The following JMJD1C variants were observed in gnomAD, a reference collection of about 807,000 sequenced individuals.
The protein encoded by JMJD1C is jumonji domain containing 1C.
JMJD1C carries 31 observed loss-of-function variants against 245.3 expected under a neutral mutation model. The ratio of observed to expected loss-of-function variants is 0.13; its 90% CI spans 0.09 to 0.17. The LOEUF (loss-of-function observed/expected upper bound fraction) is 0.17, where lower values mean the gene tolerates loss of function less well. Among genes scored for constraint, JMJD1C ranks in the 10% least tolerant of loss-of-function variants. The probability of loss-of-function intolerance (pLI) is 1.00; values close to 1 mark genes in which losing one functional copy is unlikely to be tolerated. For missense variants in JMJD1C, 2,691 were observed against 3,000.2 expected (o/e 0.90, Z 2.41); for synonymous variants, 1,057 against 1,017.4 (o/e 1.04, Z -0.74).
At chr10:63,465,311 A>G in intron 1 of JMJD1C, 184 bp downstream of exon 1, 1 of 650,352 alleles carries the variant, frequency 1.5e-6, no homozygotes, top group East Asian at 2.8e-5. Context: ...CCACAGGGGA[A>G]GCCGCTCGGA....
chr10:63,378,992 A>T (rs1259615912), intron 2 of JMJD1C, among the ~76,000 whole-genome samples: 1 of 152,100 alleles, frequency 6.6e-6, no homozygotes, highest in African/African-American at 2.4e-5. Context: ...TTTTGTTTTT[A>T]AAAATGCCAC....
intron 2 of JMJD1C, among the ~76,000 whole-genome samples, chr10:63,286,996 A>G (rs1858060164): frequency 1.3e-5 from 2 of 152,210 alleles, no homozygotes; most frequent in Admixed American, 6.5e-5. Context: ...AAAGTTAATC[A>G]TTCAACAAAA....
chr10:63,392,367 C>T (rs567541183), intron 1 of JMJD1C, among the ~76,000 whole-genome samples: 14 of 152,088 alleles, frequency 9.2e-5, no homozygotes, highest in African/African-American at 1.9e-4. Context: ...ATGATAAATG[C>T]GACTATATTA....
chr10:63,356,626 T>G (rs1944867940), intron 2 of JMJD1C, among the ~76,000 whole-genome samples: 1 of 152,214 alleles, frequency 6.6e-6, no homozygotes, highest in Admixed American at 6.5e-5. Context: ...AAATTGCATT[T>G]CATTCACAAG....
chr10:63,402,133 C>CAAAAAAA (rs35050584), intron 1 of JMJD1C, among the ~76,000 whole-genome samples: 2 of 83,462 alleles, frequency 2.4e-5, no homozygotes, highest in Admixed American at 1.1e-4. Flanking sequence ...AACTCCGTCT[C>CAAAAAAA]AAAAAAAAAG....
intron 20 of JMJD1C, 25 bp downstream of exon 20, chr10:63,185,536 CAA>C: frequency 1.5e-6 from 2 of 1,341,218 alleles, no homozygotes; most frequent in African/African-American, 1.4e-5. Context: ...CTCAAAAAGT[CAA>C]GAGTCAAAAT....
At chr10:63,517,401 C>A (rs1298158771) in intron 1 of JMJD1C, among the ~76,000 whole-genome samples, 1 of 152,108 alleles carries the variant, frequency 6.6e-6, no homozygotes, top group Admixed American at 6.5e-5. Flanking sequence ...TATTTTTGAT[C>A]TTCATAACAG....
chr10:63,307,630 A>G (rs1220542108), intron 2 of JMJD1C, among the ~76,000 whole-genome samples: 2 of 152,150 alleles, frequency 1.3e-5, no homozygotes, highest in African/African-American at 4.8e-5. Context: ...ACCACCAGGT[A>G]AGACTGGCAC....
intron 4 of JMJD1C, among the ~76,000 whole-genome samples, chr10:63,219,588 G>A (rs112663425): frequency 2.6e-5 from 4 of 152,224 alleles, no homozygotes; most frequent in African/African-American, 9.6e-5. Context: ...TCCTTCTCCA[G>A]GAAAGACACA....
chr10:63,250,280 G>A (rs987667673), intron 3 of JMJD1C, among the ~76,000 whole-genome samples: 8 of 152,102 alleles, frequency 5.3e-5, no homozygotes, highest in African/African-American at 1.9e-4. Context: ...GGCTCTTAAA[G>A]TGGTAGGATT....
chr10:63,494,524 AT>A (rs72353377), intron 1 of JMJD1C, among the ~76,000 whole-genome samples: 1,665 of 152,304 alleles, frequency 0.011, 25 homozygotes, highest in African/African-American at 0.037. Flanking sequence ...AGTAAAAAAA[AT>A]ATTTTTAAGA....
chr10:63,438,729 T>C (rs1416263690), intron 1 of JMJD1C, among the ~76,000 whole-genome samples: 5 of 152,164 alleles, frequency 3.3e-5, no homozygotes, highest in South Asian at 2.1e-4. Context: ...TATTTTGCTC[T>C]TCCTTAGGCC....
chr10:63,348,671 T>C (rs1160212191), intron 2 of JMJD1C, among the ~76,000 whole-genome samples: 2 of 152,184 alleles, frequency 1.3e-5, no homozygotes, highest in African/African-American at 4.8e-5. Flanking sequence ...AAATCTCATA[T>C]TGAAATTTGA....
chr10:63,315,664 A>T (rs1362604772), intron 2 of JMJD1C, among the ~76,000 whole-genome samples: 2 of 151,746 alleles, frequency 1.3e-5, no homozygotes, highest in Non-Finnish European at 2.9e-5. Flanking sequence ...ACATGGTGAA[A>T]CCCTGTCTCT....
intron 22 of JMJD1C, among the ~76,000 whole-genome samples, chr10:63,180,336 C>T (rs1027172358): frequency 6.6e-6 from 1 of 151,998 alleles, no homozygotes. Flanking sequence ...TTACTATGTG[C>T]GAGGCACTGT....
At chr10:63,274,453 T>C (rs1856599350) in intron 2 of JMJD1C, among the ~76,000 whole-genome samples, 1 of 151,830 alleles carries the variant, frequency 6.6e-6, no homozygotes, top group South Asian at 2.1e-4. Flanking sequence ...TGGTCCCAGC[T>C]ACTCAGGAGG....
chr10:63,472,222 A>G (rs1027057276), intron 1 of JMJD1C, among the ~76,000 whole-genome samples: 2 of 146,938 alleles, frequency 1.4e-5, no homozygotes, highest in East Asian at 3.8e-4. Context: ...TAATTTCTTA[A>G]TAATTTCAAC....
At chr10:63,351,218 A>G (rs1024057573) in intron 2 of JMJD1C, among the ~76,000 whole-genome samples, 7 of 151,472 alleles carry the variant, frequency 4.6e-5, no homozygotes, top group African/African-American at 1.7e-4. Context: ...AGCTGGGATT[A>G]CAAGCGCCTG....
chr10:63,285,279 A>T (rs1857858328), intron 2 of JMJD1C, among the ~76,000 whole-genome samples: 1 of 152,214 alleles, frequency 6.6e-6, no homozygotes, highest in African/African-American at 2.4e-5. Context: ...ACAGGAGCAG[A>T]ACCTGAATGT....
Sources: gnomAD v4.1 joint callset for allele counts (sites outside exome capture counted in the v4.1 genomes callset) on GRCh38, gnomAD v4.1.1 for gene constraint, MANE v1.5 for transcripts, NCBI Gene and HGNC (gene_info 2026-07-23, HGNC 2026-07-21) for gene names.